RAB31: variants seen among roughly 807,000 people sequenced by gnomAD.
RAB31 encodes RAB31, member RAS oncogene family, also known as ras-related protein Rab-31.
Under a neutral mutation model 25.6 loss-of-function variants are expected in RAB31, and 21 were observed. The ratio of observed to expected loss-of-function variants is 0.82; its 90% confidence interval spans 0.58 to 1.18. The LOEUF (loss-of-function observed/expected upper bound fraction) is 1.18. Among genes scored for constraint, RAB31 ranks in the 50% most tolerant of loss-of-function variants. The pLI is 0.00. For synonymous variants in RAB31, 87 were observed against 84.0 expected (o/e 1.04, Z -0.20); for missense variants, 196 against 250.1 (o/e 0.78, Z 1.46).
chr18:9,846,750 A>G (rs1215968175), intron 6 of RAB31, among the ~76,000 whole-genome samples: 3 of 152,108 alleles, frequency 2.0e-5, no homozygotes, highest in African/African-American at 7.2e-5. Flanking sequence ...ATTACTTTAG[A>G]CTCCAAGAAC....
At chr18:9,830,963 C>G (rs1161384244) in intron 5 of RAB31, among the ~76,000 whole-genome samples, 1 of 152,216 alleles carries the variant, frequency 6.6e-6, no homozygotes, top group African/African-American at 2.4e-5. Flanking sequence ...TCCTACTGAC[C>G]TGCAGTATTA....
intron 6 of RAB31, among the ~76,000 whole-genome samples, chr18:9,846,463 T>C (rs2068762373): frequency 6.6e-6 from 1 of 152,174 alleles, no homozygotes. Flanking sequence ...TGAGACACCC[T>C]CAGGAAAGTT....
chr18:9,787,630 A>C (rs1049061030), intron 2 of RAB31: 3 of 159,680 alleles, frequency 1.9e-5, no homozygotes, highest in African/African-American at 7.2e-5. Context: ...GTCTTCATGC[A>C]CAATTCACTT....
chr18:9,850,856 A>G (rs1222122183), intron 6 of RAB31, among the ~76,000 whole-genome samples: 3 of 146,008 alleles, frequency 2.1e-5, no homozygotes, highest in Non-Finnish European at 3.0e-5. Context: ...ACAGAACGAG[A>G]TCCTATCTCT....
At chr18:9,754,191 A>G (rs915269252) in intron 1 of RAB31, among the ~76,000 whole-genome samples, 2 of 152,234 alleles carry the variant, frequency 1.3e-5, no homozygotes, top group African/African-American at 4.8e-5. Flanking sequence ...CTCAGCCCTC[A>G]GTATCTGTGA....
At chr18:9,807,354 G>A (rs1029868) in intron 3 of RAB31, among the ~76,000 whole-genome samples, 66,681 of 151,938 alleles carry the variant, frequency 0.44, 14,973 homozygotes, top group East Asian at 0.73. Flanking sequence ...GACCAAACCA[G>A]CCTGGGCAGA....
chr18:9,752,711 TTAGTA>T (rs2068241639), intron 1 of RAB31, among the ~76,000 whole-genome samples: 1 of 152,238 alleles, frequency 6.6e-6, no homozygotes, highest in African/African-American at 2.4e-5. Context: ...CTATGATACT[TTAGTA>T]TAGTAGTACA....
chr18:9,708,405 C>A lies in RAB31; in HGVS notation c.-1C>A. 6.4e-7 allele frequency: 1 copy of A among 1,566,710 alleles called. No individual in the cohort carries two copies. The highest frequency in any genetic ancestry group is 8.6e-7 in the Non-Finnish European group (1 of 1,157,930). On this transcript the variant is annotated 5_prime_UTR_variant, in exon 1 of 7. Transcript: ENST00000578921. This position sits in a 1 kb window ranked among gnomAD's most constrained non-coding sequence, Gnocchi z 6.4. ...CCCCGGCACTGCCTGGCTGCGAGCA[C>A]ATGATGGCGATACGGGAGCTCAAAG...
chr18:9,819,334 C>T (rs79677664), intron 5 of RAB31, among the ~76,000 whole-genome samples: 8,039 of 152,142 alleles, frequency 0.053, 379 homozygotes, highest in African/African-American at 0.13. Flanking sequence ...TGGTTTCTTT[C>T]CCATTGAATC....
At chr18:9,781,343 A>C (rs1054097337) in intron 2 of RAB31, among the ~76,000 whole-genome samples, 4 of 152,036 alleles carry the variant, frequency 2.6e-5, no homozygotes, top group African/African-American at 9.7e-5. Context: ...TTTGAGACAG[A>C]GTCTTCTCTG....
intron 1 of RAB31, among the ~76,000 whole-genome samples, chr18:9,760,278 A>G (rs1414870171): frequency 6.6e-6 from 1 of 151,840 alleles, no homozygotes; most frequent in African/African-American, 2.4e-5. Context: ...GCCTCAAGCG[A>G]TCCTCCTACC....
At position 9,775,297 on chromosome 18, in the gene RAB31, C is replaced by A; in HGVS notation, c.59C>A (p.Ser20Ter). 1 of 1,613,876 alleles carries A rather than the reference C, an allele frequency of 6.2e-7. No homozygotes were observed. Among genetic ancestry groups the A allele is most frequent in the Non-Finnish European group, 8.5e-7 (1 of 1,179,812 alleles). Residue 20 changes from serine to a stop codon, truncating the protein, a stop_gained, in exon 2 of 7, where the codon TCA becomes TAA. Transcript: ENST00000578921. LOFTEE classifies it high-confidence loss of function. ...TCCTAGGACACTGGGGTTGGGAAAT[C>A]AAGCATCGTGTGTCGATTTGTCCAG... ...CLLGDTGVGKSSIVCRFVQDH... is the reference protein window; with the variant it reads ...CLLGDTGVGK
At chr18:9,748,283 G>A (rs1471371836) in intron 1 of RAB31, among the ~76,000 whole-genome samples, 3 of 152,074 alleles carry the variant, frequency 2.0e-5, no homozygotes, top group African/African-American at 7.2e-5. Flanking sequence ...GATCGCTTGA[G>A]CACAGGAGTT....
chr18:9,810,642 G>T (rs952988306), intron 3 of RAB31, among the ~76,000 whole-genome samples: 17 of 152,208 alleles, frequency 1.1e-4, no homozygotes, highest in African/African-American at 4.1e-4. Context: ...TATATACCAA[G>T]ATCGCTTCAA....
At chr18:9,752,325 A>G (rs1458840221) in intron 1 of RAB31, among the ~76,000 whole-genome samples, 1 of 152,034 alleles carries the variant, frequency 6.6e-6, no homozygotes, top group African/African-American at 2.4e-5. Flanking sequence ...CCTGGGTTCA[A>G]GTGATTCTCC....
At chr18:9,825,986 C>T (rs2068647749) in intron 5 of RAB31, among the ~76,000 whole-genome samples, 1 of 152,180 alleles carries the variant, frequency 6.6e-6, no homozygotes, top group Non-Finnish European at 1.5e-5. Context: ...GTGCTCAGTA[C>T]GTGGGTGACA....
chr18:9,716,159 T>C (rs992862672), intron 1 of RAB31, among the ~76,000 whole-genome samples: 10 of 152,316 alleles, frequency 6.6e-5, no homozygotes, highest in South Asian at 4.1e-4. Flanking sequence ...CCCCTTCTTT[T>C]TTCCCCATGA....
intron 1 of RAB31, among the ~76,000 whole-genome samples, chr18:9,741,128 C>A (rs1399389727): frequency 6.6e-6 from 1 of 152,026 alleles, no homozygotes; most frequent in Non-Finnish European, 1.5e-5. Flanking sequence ...GTAATCCCAG[C>A]ACTTTGGAAG....
intron 3 of RAB31, among the ~76,000 whole-genome samples, chr18:9,793,758 A>G (rs1292682613): frequency 1.3e-5 from 2 of 152,194 alleles, no homozygotes; most frequent in Non-Finnish European, 2.9e-5. Flanking sequence ...TGAAATTATC[A>G]GAGTTGATGA....
Sources: gnomAD v4.1 joint callset for allele counts (sites outside exome capture counted in the v4.1 genomes callset) on GRCh38, gnomAD v4.1.1 for gene constraint, Gnocchi (gnomAD v3.1) non-coding constraint, MANE v1.5 for transcripts, NCBI Gene and HGNC (gene_info 2026-07-23, HGNC 2026-07-21) for gene names.